Variants in FNDC3B observed in about 807,000 individuals in gnomAD.
FNDC3B encodes the protein fibronectin type III domain containing 3B, also known as fibronectin type III domain-containing protein 3B.
FNDC3B carries 12 observed loss-of-function variants against 151.5 expected under a neutral mutation model. The ratio of observed to expected loss-of-function variants is 0.08; its 90% CI spans 0.05 to 0.13. FNDC3B has a LOEUF of 0.13. Among genes scored for constraint, FNDC3B ranks in the 10% least tolerant of loss-of-function variants. The pLI, the probability that FNDC3B is intolerant of heterozygous loss-of-function variation, is 1.00. For missense variants in FNDC3B, 1,214 were observed against 1,505.3 expected (o/e 0.81, Z 3.20); for synonymous variants, 528 against 549.0 (o/e 0.96, Z 0.54).
chr3:172,186,367 A>G (rs551627709), intron 3 of FNDC3B, among the ~76,000 whole-genome samples: 2 of 152,182 alleles, frequency 1.3e-5, no homozygotes, highest in African/African-American at 4.8e-5. Context: ...ATGTTCCTCT[A>G]AAAGCATCGG....
At chr3:172,134,726 A>G (rs1435896848) in intron 3 of FNDC3B, among the ~76,000 whole-genome samples, 1 of 152,138 alleles carries the variant, frequency 6.6e-6, no homozygotes, top group Non-Finnish European at 1.5e-5. Flanking sequence ...TGAAGTTAAT[A>G]TGAAATTATT....
At chr3:172,180,018 A>T (rs1158336742) in intron 3 of FNDC3B, among the ~76,000 whole-genome samples, 1 of 152,094 alleles carries the variant, frequency 6.6e-6, no homozygotes, top group Non-Finnish European at 1.5e-5. Context: ...GACCCTGACC[A>T]AGCCTCACTC....
intron 1 of FNDC3B, among the ~76,000 whole-genome samples, chr3:172,092,166 G>A (rs1301662803): frequency 3.9e-5 from 6 of 152,082 alleles, no homozygotes; most frequent in African/African-American, 1.4e-4. Context: ...AACCTCCTAT[G>A]TCAAACAGAG....
At chr3:172,235,818 C>A (rs1490643062) in intron 4 of FNDC3B, among the ~76,000 whole-genome samples, 1 of 152,138 alleles carries the variant, frequency 6.6e-6, no homozygotes. Context: ...ATGCCAGTTG[C>A]CTGTTGGGTT....
At chr3:172,314,248 A>G (rs1330157502) in intron 11 of FNDC3B, among the ~76,000 whole-genome samples, 1 of 151,904 alleles carries the variant, frequency 6.6e-6, no homozygotes. Flanking sequence ...CTCTTCAAGG[A>G]TATCTGCTCC....
At position 172,126,972 on chromosome 3, in the gene FNDC3B, T is replaced by C. The variant is rs541972133; in HGVS notation, c.112-6499T>C. The C allele has an allele frequency of 1.9e-4, 86 of 456,382 alleles. No individual in the cohort carries two copies. The Middle Eastern group carries it at 5.2e-3, about 28-fold the overall frequency. The allele number at this position is 456,382 out of a possible 1,614,324, so 28.3% of individuals were successfully genotyped here. Reference sequence around the variant, plus strand: ...TCTTGTTGCCGGGACACACAGAAGCTGAGCAGACACTGGAATGTGAATGCA... The same window carrying C: ...TCTTGTTGCCGGGACACACAGAAGCCGAGCAGACACTGGAATGTGAATGCA... On this transcript the variant is annotated intron_variant, in intron 2 of 25. Transcript: ENST00000415807.
intron 6 of FNDC3B, among the ~76,000 whole-genome samples, chr3:172,264,161 T>G (rs1372523612): frequency 6.6e-6 from 1 of 152,140 alleles, no homozygotes; most frequent in Non-Finnish European, 1.5e-5. Flanking sequence ...TAATTCTTTT[T>G]ATTTATTTTA....
chr3:172,392,810 CTTTTT>C (rs1167627679), intron 25 of FNDC3B, among the ~76,000 whole-genome samples: 2 of 99,874 alleles, frequency 2.0e-5, no homozygotes, highest in African/African-American at 3.6e-5. Context: ...TTTTTTTTTT[CTTTTT>C]TTTTTTTCAG....
rs545210762 is a variant in FNDC3B, at chr3:172,317,341, G to A, written c.1254+6460G>A. 162 of 290,994 alleles carry A rather than the reference G, an allele frequency of 5.6e-4. 1 individual carries two copies. The highest frequency in any genetic ancestry group is 4.1e-3 in the South Asian group (156 of 37,912). The allele number at this position is 290,994 out of a possible 1,614,324, so 18.0% of individuals were successfully genotyped here. A position where few individuals can be genotyped will look rare whatever the true frequency, so the allele number is the denominator to read the frequency against. On this transcript the variant is annotated intron_variant, in intron 11 of 25. Transcript: ENST00000415807. The stretch of plus-strand genomic sequence containing the variant: ...TGGGACTACAGGCGCCTGCCACCAC[G>A]CCCAGCTAATTTTTTTGTATTTTTA...
chr3:172,156,717 ACTGT>A (rs1722506114), intron 3 of FNDC3B, among the ~76,000 whole-genome samples: 1 of 139,362 alleles, frequency 7.2e-6, no homozygotes. Flanking sequence ...TTTTTTCCCC[ACTGT>A]CTGCTCTCTA....
In FNDC3B at chr3:172,050,733, G is replaced by GTGTGTGTATATA. The variant is rs397991660; in HGVS notation, c.-29+10963_-29+10964insGTGTGTATATAT. ...TGTGTGTGTGTGTGTGTGTGTGTGT[G>GTGTGTGTATATA]TATAGTGTGTATATATACTATATAT... On this transcript the variant is annotated intron_variant, in intron 1 of 25. Transcript: ENST00000415807. 5.8e-5 allele frequency among the ~76,000 whole-genome samples: 8 copies of GTGTGTGTATATA among 137,818 alleles called. No individual in the cohort carries two copies. The South Asian group carries it at 9.2e-4, about 16-fold the overall frequency. 90.4% of individuals were successfully genotyped at this position (137,818 alleles called of 152,430 possible).
chr3:172,260,965 C>T (rs774877735), intron 6 of FNDC3B, among the ~76,000 whole-genome samples: 3 of 152,120 alleles, frequency 2.0e-5, no homozygotes, highest in East Asian at 1.9e-4. Context: ...TAGCTGGAGG[C>T]GATGGGCAAA....
chr3:172,104,237 C>G (rs1465141370), intron 1 of FNDC3B, among the ~76,000 whole-genome samples: 1 of 151,978 alleles, frequency 6.6e-6, no homozygotes, highest in Non-Finnish European at 1.5e-5. Flanking sequence ...AGGGAGGAAA[C>G]ATACTCCCTT....
intron 1 of FNDC3B, among the ~76,000 whole-genome samples, chr3:172,057,721 TCTAA>T (rs1716984619): frequency 1.3e-5 from 2 of 150,392 alleles, no homozygotes; most frequent in African/African-American, 4.9e-5. Flanking sequence ...GTCAGTGCAG[TCTAA>T]CTGATGAAAA....
Position 172,330,534 on chromosome 3 carries a change from T to G in FNDC3B, c.1380-7T>G, listed in dbSNP as rs2108287209. The G allele has an allele frequency of 6.2e-7, 1 of 1,605,066 alleles. No individual in the cohort carries two copies. The highest frequency in any genetic ancestry group is 1.3e-5 in the African/African-American group (1 of 74,808). Reference sequence around the variant, plus strand: ...CTAACTGTGTGCCTCACTTTCTTTCTCTACAGTGGTTATAGCCAAGAGGTG... The same window carrying G: ...CTAACTGTGTGCCTCACTTTCTTTCGCTACAGTGGTTATAGCCAAGAGGTG... On this transcript the variant is annotated splice_region_variant and splice_polypyrimidine_tract_variant and intron_variant, in intron 12 of 25. Coordinates refer to ENST00000415807, the MANE Select transcript of FNDC3B (RefSeq NM_022763.4).
intron 11 of FNDC3B, among the ~76,000 whole-genome samples, chr3:172,327,493 C>T (rs1378789280): frequency 6.6e-6 from 1 of 152,186 alleles, no homozygotes; most frequent in East Asian, 1.9e-4. Flanking sequence ...CTCCGTCTCC[C>T]AGGTTCACGC....
At chr3:172,118,615 TG>T (rs1720377959) in intron 2 of FNDC3B, among the ~76,000 whole-genome samples, 1 of 152,198 alleles carries the variant, frequency 6.6e-6, no homozygotes, top group Non-Finnish European at 1.5e-5. Flanking sequence ...GGCAGAATCC[TG>T]TTATGGGCTG....
At chr3:172,088,400 C>T (rs564881836) in intron 1 of FNDC3B, among the ~76,000 whole-genome samples, 2 of 152,300 alleles carry the variant, frequency 1.3e-5, no homozygotes, top group South Asian at 2.1e-4. Context: ...CAGATGGCCA[C>T]CACGGTCATC....
intron 2 of FNDC3B, among the ~76,000 whole-genome samples, chr3:172,128,997 T>C (rs1720939435): frequency 6.6e-6 from 1 of 152,164 alleles, no homozygotes; most frequent in Admixed American, 6.5e-5. Flanking sequence ...GGAGACAGTC[T>C]TGCTCTGTTG....
Sources: gnomAD v4.1 joint callset for allele counts (sites outside exome capture counted in the v4.1 genomes callset) on GRCh38, gnomAD v4.1.1 for gene constraint, MANE v1.5 for transcripts, NCBI Gene and HGNC (gene_info 2026-07-23, HGNC 2026-07-21) for gene names.